ANO1: variants seen among roughly 807,000 people sequenced by gnomAD.
ANO1 encodes anoctamin 1, also known as anoctamin-1.
Under a neutral mutation model 124.0 loss-of-function variants are expected in ANO1, and 59 were observed. The ratio of observed to expected loss-of-function variants is 0.48; its 90% CI spans 0.39 to 0.59. ANO1 has a LOEUF of 0.59. Ranked by LOEUF, ANO1 falls within the 20% of genes least tolerant of loss-of-function variation. The pLI is 0.00. For synonymous variants in ANO1, 529 were observed against 532.0 expected, an observed-to-expected ratio of 0.99 and a Z score of 0.08; for missense variants, 1,059 against 1,328.0, an observed-to-expected ratio of 0.80 and a Z score of 3.15.
chr11:70,102,093 T>C (rs1449717785), intron 2 of ANO1, among the ~76,000 whole-genome samples: 2 of 152,180 alleles, frequency 1.3e-5, no homozygotes, highest in Non-Finnish European at 2.9e-5. Context: ...AGGGACTCTA[T>C]TAAACGCGAA....
At chr11:70,010,274 C>T (rs2120354641) in intron 1 of ANO1, among the ~76,000 whole-genome samples, 1 of 150,226 alleles carries the variant, frequency 6.7e-6, no homozygotes, top group South Asian at 2.1e-4. Context: ...GAATTGTGCT[C>T]AATTGCACAC....
At chr11:70,131,359 G>A (rs565986175) in intron 10 of ANO1, among the ~76,000 whole-genome samples, 81 of 151,552 alleles carry the variant, frequency 5.3e-4, no homozygotes, top group African/African-American at 1.8e-3. Context: ...ATGGAGTCTC[G>A]CTCTGTCACC....
At position 70,007,756 on chromosome 11, in the gene ANO1, C is replaced by G. The variant is rs539897397; in HGVS notation, c.58+21590C>G. Among the ~76,000 whole-genome samples, 459 of 152,202 alleles carry G rather than the reference C, an allele frequency of 3.0e-3. 2 individuals are homozygous for G. The highest frequency in any genetic ancestry group is 7.7e-3 in the South Asian group (37 of 4,816). On this transcript the variant is annotated intron_variant, in intron 1 of 27. Coordinates refer to the ANO1 transcript ENST00000531349. ...CTCTTTGGGATCCTGCTTTAAATTC[C>G]TTTGGGGAGACACCCAGCAATGGGA... is the stretch of plus-strand genomic sequence containing the variant.
At chr11:70,185,798 A>G in intron 25 of ANO1, 103 bp downstream of exon 25, 1 of 1,307,974 alleles carries the variant, frequency 7.6e-7, no homozygotes, top group Non-Finnish European at 1.1e-6. Flanking sequence ...CCAGGGGTTC[A>G]GAGACTCCTC....
At position 70,154,714 on chromosome 11, in the gene ANO1, C is replaced by T. The variant is rs962998275; in HGVS notation, c.1426-1197C>T. Among the ~76,000 whole-genome samples the T allele has an allele frequency of 9.2e-5, 14 of 152,080 alleles. No individual in the cohort carries two copies. In the East Asian group the frequency reaches 1.4e-3, roughly 15 times the overall value. On this transcript the variant is annotated intron_variant, in intron 14 of 25. Transcript: ENST00000355303. Reference sequence around the variant, plus strand: ...ATCTCCTGACCTCAGGTGATCCACCCGCCTCAGTCTCCCAAAGTGCTGGGA... The same window carrying T: ...ATCTCCTGACCTCAGGTGATCCACCTGCCTCAGTCTCCCAAAGTGCTGGGA...
At chr11:70,057,226 C>T (rs1297424678) in intron 1 of ANO1, among the ~76,000 whole-genome samples, 1 of 152,172 alleles carries the variant, frequency 6.6e-6, no homozygotes, top group Non-Finnish European at 1.5e-5. Flanking sequence ...AATGCGGAGG[C>T]TCCAGATGAT....
At chr11:70,076,951 A>AGAGGCTCTGAGGCCCAG (rs11272663), upstream of ANO1, among the ~76,000 whole-genome samples, 96,041 of 150,698 alleles carry the variant, frequency 0.64, 31,298 homozygotes, top group East Asian at 0.94. Flanking sequence ...ATGAGAAGGC[A>AGAGGCTCTGAGGCCCAG]GAGGCTCTGA....
intron 16 of ANO1, 104 bp from the exon 17 acceptor site, chr11:70,161,057 G>T: frequency 9.3e-7 from 1 of 1,078,626 alleles, no homozygotes; most frequent in South Asian, 1.6e-5. Flanking sequence ...TGAAGCAGAA[G>T]AGCGGGAAGG....
At chr11:70,101,382 C>T (rs963673841) in intron 2 of ANO1, among the ~76,000 whole-genome samples, 1 of 151,664 alleles carries the variant, frequency 6.6e-6, no homozygotes, top group African/African-American at 2.4e-5. Context: ...ATGGTGAAAC[C>T]CCGTCTCTAC....
chr11:70,072,080 C>T (rs1857885313), intron 1 of ANO1, among the ~76,000 whole-genome samples: 1 of 152,208 alleles, frequency 6.6e-6, no homozygotes, highest in Non-Finnish European at 1.5e-5. Flanking sequence ...GTAACGCACA[C>T]CTTTATTGTA....
At chr11:70,085,331 T>C (rs1590686070) in intron 1 of ANO1, 15 of 1,001,774 alleles carry the variant, frequency 1.5e-5, no homozygotes, top group East Asian at 5.0e-5. Context: ...CCCTGAGCCC[T>C]CCCAAGCCAC....
chr11:70,131,530 T>G (rs1011144816), intron 10 of ANO1, among the ~76,000 whole-genome samples: 10 of 152,242 alleles, frequency 6.6e-5, no homozygotes, highest in Non-Finnish European at 1.5e-4. Context: ...GTTTCACCAT[T>G]TTGGCCAGGC....
intron 1 of ANO1, among the ~76,000 whole-genome samples, chr11:70,063,389 C>T (rs1238819977): frequency 1.3e-5 from 2 of 152,152 alleles, no homozygotes; most frequent in Non-Finnish European, 2.9e-5. Context: ...GGTCTGGAGA[C>T]CAGTGACCCT....
At chr11:70,003,011 A>C (rs946449037) in intron 1 of ANO1, among the ~76,000 whole-genome samples, 1 of 142,308 alleles carries the variant, frequency 7.0e-6, no homozygotes, top group Non-Finnish European at 1.5e-5. Context: ...GTCGAGGAAA[A>C]ATTTTTAACT....
intron 8 of ANO1, among the ~76,000 whole-genome samples, chr11:70,120,409 G>T (rs1420799978): frequency 1.3e-5 from 2 of 152,156 alleles, no homozygotes; most frequent in East Asian, 1.9e-4. Flanking sequence ...GTGGGCAGCT[G>T]CTGCCTCCCC....
chr11:70,176,405 C>T (rs529738742), intron 22 of ANO1, among the ~76,000 whole-genome samples: 2 of 152,240 alleles, frequency 1.3e-5, no homozygotes, highest in South Asian at 4.2e-4. Flanking sequence ...CCTCTGCCTA[C>T]CAAAGTGCTG....
rs151059470 is a variant in ANO1, at chr11:70,117,746, A to G, written c.897+1247A>G. Among the ~76,000 whole-genome samples the G allele has an allele frequency of 1.1e-4, 16 of 152,084 alleles. No individual in the cohort carries two copies. The East Asian group carries it at 2.5e-3, about 24-fold the overall frequency. Reference sequence around the variant, plus strand: ...GAGATGCTTCCCTGACAACCTCACAATAGTGGCCTTGTCCCAATTCCCAGG... The same window carrying G: ...GAGATGCTTCCCTGACAACCTCACAGTAGTGGCCTTGTCCCAATTCCCAGG... On this transcript the variant is annotated intron_variant, in intron 8 of 25. Transcript: ENST00000355303.
Position 70,104,157 on chromosome 11 carries a change from G to A in ANO1, c.692+7G>A. 1.2e-6 allele frequency: 2 copies of A among 1,610,254 alleles called. No homozygotes were observed. Among genetic ancestry groups the A allele is most frequent in the Non-Finnish European group, 1.7e-6 (2 of 1,177,866 alleles). ...CCCGGGAGAAGCAGCATCTGTAAGT[G>A]GGGACCCCCAGCCTGCTCCCCAAAG... On this transcript the variant is annotated splice_region_variant and intron_variant, in intron 4 of 25. Transcript: ENST00000355303.
intron 2 of ANO1, among the ~76,000 whole-genome samples, chr11:70,096,349 G>A (rs2044959030): frequency 1.3e-5 from 2 of 152,100 alleles, no homozygotes; most frequent in South Asian, 4.1e-4. Context: ...CTCCTCCTCT[G>A]CTGGGCACCC....
Sources: allele counts gnomAD v4.1 joint callset (sites outside exome capture counted in the v4.1 genomes callset), GRCh38; gene constraint gnomAD v4.1.1; transcripts MANE v1.5; gene names NCBI Gene and HGNC (gene_info 2026-07-23, HGNC 2026-07-21).